FAXC: variants seen among roughly 807,000 people sequenced by gnomAD.
The protein encoded by FAXC is failed axon connections homolog, metaxin like GST domain containing, also known as failed axon connections homolog.
A neutral mutation model predicts 41.9 loss-of-function variants in FAXC; 10 were observed. The ratio of observed to expected loss-of-function variants is 0.24; its 90% CI spans 0.15 to 0.41. The LOEUF (loss-of-function observed/expected upper bound fraction) is 0.41. Ranked by LOEUF, FAXC falls within the 10% of genes least tolerant of loss-of-function variation. The pLI is 1.00. For missense variants in FAXC, 399 were observed against 510.9 expected (o/e 0.78, Z 2.11); for synonymous variants, 183 against 183.8 (o/e 1.00, Z 0.03).
intron 5 of FAXC, among the ~76,000 whole-genome samples, chr6:99,289,844 G>A (rs991058568): frequency 4.6e-5 from 7 of 151,840 alleles, no homozygotes; most frequent in Non-Finnish European, 1.0e-4. Flanking sequence ...AAAATCATCT[G>A]GCAACACAGC....
intron 4 of FAXC, among the ~76,000 whole-genome samples, chr6:99,312,834 A>G (rs544715036): frequency 8.1e-4 from 124 of 152,348 alleles, no homozygotes; most frequent in African/African-American, 2.9e-3. Context: ...TGAAACTACT[A>G]AAACTACATA....
intron 2 of FAXC, among the ~76,000 whole-genome samples, chr6:99,340,926 C>T (rs993591977): frequency 1.3e-5 from 2 of 152,024 alleles, no homozygotes; most frequent in Non-Finnish European, 2.9e-5. Context: ...TCCTCGGCCT[C>T]TCAAAGTGCT....
chr6:99,324,575 A>T (rs1562176169), intron 3 of FAXC, among the ~76,000 whole-genome samples: 1 of 152,210 alleles, frequency 6.6e-6, no homozygotes, highest in Non-Finnish European at 1.5e-5. Context: ...AAACTTGCTC[A>T]TTCGGGTGCT....
intron 4 of FAXC, among the ~76,000 whole-genome samples, chr6:99,299,245 T>C (rs1280693281): frequency 3.3e-5 from 5 of 152,214 alleles, no homozygotes; most frequent in Admixed American, 3.3e-4. Flanking sequence ...GAATCTCATC[T>C]CCTTCCTCCC....
chr6:99,315,859 G>A (rs1440117427), intron 4 of FAXC, among the ~76,000 whole-genome samples: 1 of 152,138 alleles, frequency 6.6e-6, no homozygotes, highest in African/African-American at 2.4e-5. Context: ...CCACAGCTGA[G>A]CCTCACAACT....
intron 4 of FAXC, 97 bp from the exon 5 acceptor site, chr6:99,291,917 G>A: frequency 2.2e-6 from 2 of 902,564 alleles, no homozygotes; most frequent in South Asian, 1.4e-5. Context: ...TTCCTTTACT[G>A]ATACCAAAAA....
At chr6:99,306,716 T>C (rs1158230611) in intron 4 of FAXC, among the ~76,000 whole-genome samples, 1 of 152,222 alleles carries the variant, frequency 6.6e-6, no homozygotes, top group Non-Finnish European at 1.5e-5. Context: ...TCTCCTAGAC[T>C]AGGTTGAAAT....
At chr6:99,304,699 G>A (rs565298825) in intron 4 of FAXC, among the ~76,000 whole-genome samples, 1 of 152,288 alleles carries the variant, frequency 6.6e-6, no homozygotes, top group East Asian at 1.9e-4. Flanking sequence ...AGTGCCTACT[G>A]TTTACTAGGC....
chr6:99,342,769 G>T, intron 2 of FAXC, 129 bp downstream of exon 2: 1 of 741,660 alleles, frequency 1.3e-6, no homozygotes. Context: ...CTAAGGATTA[G>T]GCACTGCTAG....
At chr6:99,291,939 T>G in intron 4 of FAXC, 119 bp from the exon 5 acceptor site, 1 of 759,380 alleles carries the variant, frequency 1.3e-6, no homozygotes, top group Non-Finnish European at 2.3e-6. Context: ...CTTTGCAGAA[T>G]CGAAATACAT....
Position 99,276,115 on chromosome 6 carries a change from TAGTC to T in FAXC, c.*5045_*5048del, listed in dbSNP as rs2128444467. ...AAGGAGAACAAAGGATCCTGGGTCA[TAGTC>T]AGGAACAATAAAATAACATACTCTG... On this transcript the variant is annotated 3_prime_UTR_variant, in exon 6 of 6. Coordinates refer to ENST00000389677, the MANE Select transcript of FAXC (RefSeq NM_032511.4). 1 of 150,044 alleles carries T rather than the reference TAGTC, an allele frequency of 6.7e-6. No homozygotes were observed. Among genetic ancestry groups the T allele is most frequent in the South Asian group, 2.1e-4 (1 of 4,738 alleles). 9.3% of individuals were successfully genotyped at this position (150,044 alleles called of 1,614,324 possible). A position where few individuals can be genotyped will look rare whatever the true frequency, so the allele number is the denominator to read the frequency against.
chr6:99,324,963 C>T (rs1455701326), intron 3 of FAXC, among the ~76,000 whole-genome samples: 2 of 152,138 alleles, frequency 1.3e-5, no homozygotes, highest in Non-Finnish European at 2.9e-5. Context: ...AGGAGGATCG[C>T]TTGGGCCCAA....
chr6:99,339,282 C>T (rs925696674), intron 2 of FAXC, among the ~76,000 whole-genome samples: 2 of 152,206 alleles, frequency 1.3e-5, no homozygotes, highest in Non-Finnish European at 2.9e-5. Flanking sequence ...CCCGGAGCTG[C>T]AGGAGCCATT....
At chr6:99,326,784 A>G (rs891797907) in intron 3 of FAXC, among the ~76,000 whole-genome samples, 37 of 152,172 alleles carry the variant, frequency 2.4e-4, no homozygotes, top group African/African-American at 8.4e-4. Flanking sequence ...GAGTGTTGTA[A>G]GGGGTGAGGG....
At chr6:99,306,369 G>C (rs1459894050) in intron 4 of FAXC, among the ~76,000 whole-genome samples, 1 of 152,180 alleles carries the variant, frequency 6.6e-6, no homozygotes, top group Admixed American at 6.5e-5. Context: ...CATCCAGATG[G>C]AGCAACTGGA....
In FAXC at chr6:99,271,336, T is replaced by A. The variant is rs1423594010; in HGVS notation, c.*9828A>T. 1 of 152,220 alleles carries A rather than the reference T, an allele frequency of 6.6e-6. No individual in the cohort carries two copies. The highest frequency in any genetic ancestry group is 2.4e-5 in the African/African-American group (1 of 41,450). The allele number at this position is 152,220 out of a possible 1,614,324, so 9.4% of individuals were successfully genotyped here. ...AGTTCTAGAAGGGTGTGGAACCAAC[T>A]GACGTTGAAGTAGATGTAGATCTAT... On this transcript the variant is annotated 3_prime_UTR_variant, in exon 6 of 6. Coordinates refer to ENST00000389677, the MANE Select transcript of FAXC (RefSeq NM_032511.4).
In FAXC at chr6:99,281,066, C is replaced by G; in HGVS notation, c.*98G>C. ...TAGCATGTGAAAACTCTGCCAAGCACGAAGATCTCCTCCCAGCTCGGATGG... is the reference window on the plus strand; with the variant it reads ...TAGCATGTGAAAACTCTGCCAAGCAGGAAGATCTCCTCCCAGCTCGGATGG... On this transcript the variant is annotated 3_prime_UTR_variant, in exon 6 of 6. Coordinates refer to ENST00000389677, the MANE Select transcript of FAXC (RefSeq NM_032511.4). 1 of 710,544 alleles carries G rather than the reference C, an allele frequency of 1.4e-6. No homozygotes were observed. Among genetic ancestry groups the G allele is most frequent in the East Asian group, 2.5e-5 (1 of 40,584 alleles). The allele number at this position is 710,544 out of a possible 1,614,324, so 44.0% of individuals were successfully genotyped here. A position where few individuals can be genotyped will look rare whatever the true frequency, so the allele number is the denominator to read the frequency against.
intron 5 of FAXC, among the ~76,000 whole-genome samples, chr6:99,283,327 T>C (rs1445822271): frequency 2.6e-5 from 4 of 152,248 alleles, no homozygotes; most frequent in African/African-American, 7.2e-5. Context: ...TATTTACCTA[T>C]TGCCATTATT....
chr6:99,315,253 A>AC lies in FAXC; in HGVS notation c.823+8190_823+8191insG, dbSNP rs1169535886. ...ATCTTAAAAAAAAAAAAAAAAAAAA[A>AC]AAAAAAAAACCAGTAAATGTCACCT... is the stretch of plus-strand genomic sequence containing the variant. On this transcript the variant is annotated intron_variant, in intron 4 of 5. Transcript: ENST00000389677. Among the ~76,000 whole-genome samples, 7 of 136,094 alleles carry AC rather than the reference A, an allele frequency of 5.1e-5. 1 individual carries two copies. The highest frequency in any genetic ancestry group is 2.1e-4 in the African/African-American group (7 of 33,304). The allele number at this position is 136,094 out of a possible 152,430, so 89.3% of individuals were successfully genotyped here.
Sources: allele counts gnomAD v4.1 joint callset (sites outside exome capture counted in the v4.1 genomes callset), GRCh38; gene constraint gnomAD v4.1.1; transcripts MANE v1.5; gene names NCBI Gene and HGNC (gene_info 2026-07-23, HGNC 2026-07-21).